RAPGEF1: variants seen among roughly 807,000 people sequenced by gnomAD.
RAPGEF1 encodes Rap guanine nucleotide exchange factor 1.
Under a neutral mutation model 143.3 loss-of-function variants are expected in RAPGEF1, and 33 were observed. That is an observed-to-expected ratio of 0.23 (90% CI 0.17 to 0.31). RAPGEF1 has a LOEUF of 0.31. Ranked by LOEUF, RAPGEF1 falls within the 10% of genes least tolerant of loss-of-function variation. RAPGEF1 has a pLI of 1.00. For synonymous variants in RAPGEF1, 629 were observed against 676.5 expected (o/e 0.93, Z 1.09); for missense variants, 1,199 against 1,645.4 (o/e 0.73, Z 4.69).
rs546265254 is a variant in RAPGEF1, at chr9:131,648,392, A to AAAAC, written c.315+1733_315+1736dup. Among the ~76,000 whole-genome samples, 1,510 of 152,278 alleles carry AAAAC rather than the reference A, an allele frequency of 9.9e-3. 12 individuals are homozygous for AAAAC. Among genetic ancestry groups the AAAAC allele is most frequent in the Non-Finnish European group, 0.016 (1,095 of 68,010 alleles). On this transcript the variant is annotated intron_variant, in intron 3 of 26. Transcript: ENST00000683357. ...GGCGACAGAGTGAGACTCTTATCTC[A>AAAAC]AAACAAACAAACAAACAAAAAAACA...
intron 1 of RAPGEF1, among the ~76,000 whole-genome samples, chr9:131,672,938 A>AAGC (rs1290275557): frequency 6.6e-6 from 1 of 152,170 alleles, no homozygotes; most frequent in African/African-American, 2.4e-5. Flanking sequence ...GTATCTCCTG[A>AAGC]AGCCCTACTG....
At position 131,642,078 on chromosome 9, in the gene RAPGEF1, C is replaced by T. The variant is rs548590340; in HGVS notation, c.494+1161G>A. On this transcript the variant is annotated intron_variant, in intron 4 of 26. Coordinates refer to ENST00000683357, the MANE Select transcript of RAPGEF1 (RefSeq NM_001377935.1). ...CCATGGAAGAAAAACAAAACATGTG[C>T]CAGCCTCTTAAGAAAAAGCTCCTGC... 3.3e-5 allele frequency among the ~76,000 whole-genome samples: 5 copies of T among 152,290 alleles called. No homozygotes were observed. In the South Asian group the frequency reaches 1.0e-3, roughly 32 times the overall value.
At chr9:131,690,803 TAAATA>T (rs907319347) in intron 1 of RAPGEF1, among the ~76,000 whole-genome samples, 1 of 152,054 alleles carries the variant, frequency 6.6e-6, no homozygotes, top group African/African-American at 2.4e-5. Context: ...AAAAAATAAA[TAAATA>T]AAATAAAAAG....
At chr9:131,607,582 G>T (rs905396854) in intron 12 of RAPGEF1, among the ~76,000 whole-genome samples, 1 of 152,006 alleles carries the variant, frequency 6.6e-6, no homozygotes, top group Non-Finnish European at 1.5e-5. Flanking sequence ...GCGTGCTGCT[G>T]GGGGGGCTGC....
chr9:131,600,756 AGGTG>A (rs1956132269), intron 15 of RAPGEF1, among the ~76,000 whole-genome samples: 1 of 152,178 alleles, frequency 6.6e-6, no homozygotes, highest in Non-Finnish European at 1.5e-5. Context: ...GTGAAGTTGC[AGGTG>A]GGAGTGCCCA....
chr9:131,662,157 C>T (rs1974288045), intron 1 of RAPGEF1, among the ~76,000 whole-genome samples: 1 of 152,218 alleles, frequency 6.6e-6, no homozygotes, highest in African/African-American at 2.4e-5. Context: ...TCACACACTG[C>T]ACCAGCCATT....
intron 5 of RAPGEF1, among the ~76,000 whole-genome samples, chr9:131,632,167 C>T (rs1324364258): frequency 2.0e-5 from 3 of 151,226 alleles, no homozygotes; most frequent in Admixed American, 6.6e-5. Context: ...CTCGCTCTGT[C>T]GCCCAGGCTG....
At chr9:131,713,937 T>A (rs1217044368) in intron 1 of RAPGEF1, among the ~76,000 whole-genome samples, 1 of 152,198 alleles carries the variant, frequency 6.6e-6, no homozygotes, top group East Asian at 1.9e-4. Context: ...TTACCCTCAC[T>A]AGGGATTTTC....
At chr9:131,605,331 C>G in intron 12 of RAPGEF1, 143 bp from the exon 13 acceptor site, 1 of 739,464 alleles carries the variant, frequency 1.4e-6, no homozygotes, top group African/African-American at 1.9e-5. Flanking sequence ...CAAGCAACCC[C>G]CAGTCCTCAG....
chr9:131,671,238 A>C (rs1236813958), intron 1 of RAPGEF1, among the ~76,000 whole-genome samples: 1 of 152,156 alleles, frequency 6.6e-6, no homozygotes, highest in Non-Finnish European at 1.5e-5. Context: ...CCTGGAATTG[A>C]AGTTCTATTT....
chr9:131,601,017 A>T (rs1292487180), intron 15 of RAPGEF1, among the ~76,000 whole-genome samples: 1 of 151,990 alleles, frequency 6.6e-6, no homozygotes, highest in African/African-American at 2.4e-5. Context: ...ATAAATAAAT[A>T]AAAACTTAGC....
intron 12 of RAPGEF1, among the ~76,000 whole-genome samples, chr9:131,607,600 G>C (rs1048702221): frequency 5.3e-5 from 8 of 152,106 alleles, no homozygotes; most frequent in Non-Finnish European, 7.4e-5. Flanking sequence ...TGCCTTCAGG[G>C]AACCCTTGTA....
At chr9:131,702,648 C>A (rs1834747738) in intron 1 of RAPGEF1, among the ~76,000 whole-genome samples, 1 of 152,172 alleles carries the variant, frequency 6.6e-6, no homozygotes, top group African/African-American at 2.4e-5. Flanking sequence ...AACAACAAGG[C>A]AAGATCCTTA....
At chr9:131,672,453 T>A (rs1831557706) in intron 1 of RAPGEF1, among the ~76,000 whole-genome samples, 1 of 152,156 alleles carries the variant, frequency 6.6e-6, no homozygotes, top group African/African-American at 2.4e-5. Flanking sequence ...TTAGCCCTGG[T>A]GCAAACCTAA....
intron 1 of RAPGEF1, among the ~76,000 whole-genome samples, chr9:131,709,394 T>C (rs1303259874): frequency 6.6e-6 from 1 of 152,122 alleles, no homozygotes; most frequent in Non-Finnish European, 1.5e-5. Context: ...AAATGAAACA[T>C]CTCGAGCTGA....
intron 12 of RAPGEF1, among the ~76,000 whole-genome samples, chr9:131,609,825 A>G (rs1349459386): frequency 6.6e-6 from 1 of 152,172 alleles, no homozygotes; most frequent in African/African-American, 2.4e-5. Context: ...TCTCTCTATT[A>G]TAGTCCTGGC....
intron 1 of RAPGEF1, among the ~76,000 whole-genome samples, chr9:131,664,934 T>C (rs541854956): frequency 9.8e-5 from 15 of 152,374 alleles, no homozygotes; most frequent in African/African-American, 3.6e-4. Context: ...ATAAGTAGTA[T>C]ATCCATCCTT....
intron 12 of RAPGEF1, among the ~76,000 whole-genome samples, chr9:131,616,158 C>T (rs1345910559): frequency 1.3e-5 from 2 of 152,094 alleles, no homozygotes; most frequent in Non-Finnish European, 2.9e-5. Context: ...ATCCCAGCTA[C>T]TCCGGAGGCT....
intron 12 of RAPGEF1, among the ~76,000 whole-genome samples, chr9:131,610,707 C>G (rs1244338701): frequency 1.3e-5 from 2 of 152,214 alleles, no homozygotes; most frequent in African/African-American, 4.8e-5. Context: ...AGCACTGGCG[C>G]TGGGCTCAGA....
Sources: gnomAD v4.1 joint callset for allele counts (sites outside exome capture counted in the v4.1 genomes callset) on GRCh38, gnomAD v4.1.1 for gene constraint, MANE v1.5 for transcripts, NCBI Gene and HGNC (gene_info 2026-07-23, HGNC 2026-07-21) for gene names.